Variants in PBX3 observed in about 807,000 individuals in gnomAD.
PBX3 encodes PBX homeobox 3.
A neutral mutation model predicts 48.5 loss-of-function variants in PBX3; 14 were observed. The observed-to-expected ratio is 0.29, with a 90% CI of 0.19 to 0.45. The LOEUF is 0.45. Ranked by LOEUF, PBX3 falls within the 20% of genes least tolerant of loss-of-function variation. The pLI, the probability that PBX3 is intolerant of heterozygous loss-of-function variation, is 1.00. For missense variants in PBX3, 386 were observed against 546.7 expected (o/e 0.71, Z 2.93); for synonymous variants, 210 against 200.3 (o/e 1.05, Z -0.41).
At chr9:125,888,274 C>T (rs1840548316) in intron 2 of PBX3, among the ~76,000 whole-genome samples, 1 of 152,164 alleles carries the variant, frequency 6.6e-6, no homozygotes, top group African/African-American at 2.4e-5. Context: ...CCATTTTGAT[C>T]TCTTCTGTCG....
Position 125,830,996 on chromosome 9 carries a change from G to A in PBX3, c.274+82373G>A, listed in dbSNP as rs369900802. 3.3e-5 allele frequency among the ~76,000 whole-genome samples: 5 copies of A among 152,130 alleles called. No homozygotes were observed. In the East Asian group the frequency reaches 7.7e-4, roughly 23 times the overall value. ...TATGTTATACTTGTTTTGTATCTCC[G>A]TGCAGATTCACATTCCTTCCTCCTG... On this transcript the variant is annotated intron_variant, in intron 2 of 8. Coordinates refer to ENST00000373489, the MANE Select transcript of PBX3 (RefSeq NM_006195.6).
intron 2 of PBX3, among the ~76,000 whole-genome samples, chr9:125,776,635 A>G (rs995787247): frequency 1.3e-5 from 2 of 152,056 alleles, no homozygotes; most frequent in African/African-American, 2.4e-5. Flanking sequence ...CCCCGGGCTC[A>G]AGTGGTTCTC....
chr9:125,871,508 A>C (rs1840125430), intron 2 of PBX3, among the ~76,000 whole-genome samples: 1 of 152,228 alleles, frequency 6.6e-6, no homozygotes, highest in Non-Finnish European at 1.5e-5. Context: ...ACATTCAAGA[A>C]CATAATAGCA....
chr9:125,756,658 A>G (rs1462326004), intron 2 of PBX3, among the ~76,000 whole-genome samples: 1 of 152,200 alleles, frequency 6.6e-6, no homozygotes, highest in African/African-American at 2.4e-5. Context: ...TAGTCACCAC[A>G]GCTGCCATGC....
intron 2 of PBX3, chr9:125,748,987 C>A: frequency 5.1e-6 from 1 of 194,480 alleles, no homozygotes; most frequent in Non-Finnish European, 1.1e-5. Context: ...AGGACCGAGT[C>A]CCCGGGAGAA....
At chr9:125,824,709 CT>C (rs747826192) in intron 2 of PBX3, among the ~76,000 whole-genome samples, 6,113 of 139,602 alleles carry the variant, frequency 0.044, 355 homozygotes, top group African/African-American at 0.14. Context: ...AATCAGTTGG[CT>C]TTTTTTTTTT....
chr9:125,835,201 A>G (rs1360712126), intron 2 of PBX3, among the ~76,000 whole-genome samples: 1 of 152,104 alleles, frequency 6.6e-6, no homozygotes, highest in Non-Finnish European at 1.5e-5. Context: ...AGTTCTAGGC[A>G]TCTCATATGT....
intron 2 of PBX3, among the ~76,000 whole-genome samples, chr9:125,903,818 G>A (rs535696085): frequency 3.8e-4 from 57 of 151,994 alleles, no homozygotes; most frequent in African/African-American, 1.2e-3. Flanking sequence ...AACATAATAT[G>A]TATAAGAGGT....
chr9:125,948,733 T>C (rs1395413373), intron 5 of PBX3, among the ~76,000 whole-genome samples: 1 of 152,000 alleles, frequency 6.6e-6, no homozygotes, highest in Non-Finnish European at 1.5e-5. Flanking sequence ...TATATATATA[T>C]ATACATGCAC....
chr9:125,929,729 A>G lies in PBX3; in HGVS notation c.591A>G (p.Lys197=). 1.2e-6 allele frequency: 2 copies of G among 1,613,900 alleles called. No homozygotes were observed. The highest frequency in any genetic ancestry group is 1.7e-6 in the Non-Finnish European group (2 of 1,179,796). The change falls in exon 4 of 9, where the codon AAA becomes AAG. Residue 197 remains lysine (K), a synonymous_variant. Transcript: ENST00000373489. Reference sequence around the variant, plus strand: ...GTAGAACACGTCCCATTTCTCCAAAAGAGATTGAAAGAATGGTGGGCATCA... The same window carrying G: ...GTAGAACACGTCCCATTTCTCCAAAGGAGATTGAAAGAATGGTGGGCATCA... The part of the protein sequence containing the change: ...EQSRTRPISP[K]EIERMVGIIH...
intron 2 of PBX3, among the ~76,000 whole-genome samples, chr9:125,803,758 A>T (rs1328025749): frequency 6.6e-6 from 1 of 152,200 alleles, no homozygotes; most frequent in East Asian, 1.9e-4. Flanking sequence ...TTACACGTTT[A>T]TTGAAGTGTA....
At position 125,747,652 on chromosome 9, in the gene PBX3, A is replaced by AAGTTGGTGT. The variant is rs775490024; in HGVS notation, c.200_200+8dup. Reference sequence around the variant, plus strand: ...CCAGAGCTTGGACGAGGCGCAAGCAAAGTTGGTGTCGTCTCATTAAGCATC... The same window carrying AAGTTGGTGT: ...CCAGAGCTTGGACGAGGCGCAAGCAAAGTTGGTGTAGTTGGTGTCGTCTCATTAAGCATC... On this transcript the variant is annotated stop_gained and inframe_insertion and splice_region_variant, in exon 1 of 9. Transcript: ENST00000373489. LOFTEE classifies it high-confidence loss of function. 2.5e-4 allele frequency: 403 copies of AAGTTGGTGT among 1,589,430 alleles called. No homozygotes were observed. Among genetic ancestry groups the AAGTTGGTGT allele is most frequent in the Non-Finnish European group, 3.4e-4 (398 of 1,168,396 alleles).
intron 2 of PBX3, among the ~76,000 whole-genome samples, chr9:125,777,961 C>G (rs190950759): frequency 6.9e-6 from 1 of 144,886 alleles, no homozygotes; most frequent in African/African-American, 2.7e-5. Context: ...TTCAAATCTT[C>G]TCTTTTTTTT....
intron 3 of PBX3, among the ~76,000 whole-genome samples, chr9:125,916,332 G>T (rs1418061435): frequency 1.3e-5 from 2 of 152,110 alleles, no homozygotes; most frequent in Non-Finnish European, 2.9e-5. Context: ...TCCCTCCTAT[G>T]CTGTGAGCTC....
Position 125,753,639 on chromosome 9 carries a change from A to AT in PBX3, c.274+5020dup, listed in dbSNP as rs149262524. Among the ~76,000 whole-genome samples the AT allele has an allele frequency of 7.3e-3, 1,105 of 152,038 alleles. 60 individuals are homozygous for AT. In the East Asian group the frequency reaches 0.14, roughly 19 times the overall value. ...TTGTTCCTTAGTTTTAATGACCCTC[A>AT]TTTTATTACAGATTTGAATAGTTTT... is the stretch of plus-strand genomic sequence containing the variant. On this transcript the variant is annotated intron_variant, in intron 2 of 8. Coordinates refer to ENST00000373489, the MANE Select transcript of PBX3 (RefSeq NM_006195.6).
At chr9:125,788,702 G>A (rs1464005893) in intron 2 of PBX3, among the ~76,000 whole-genome samples, 2 of 151,968 alleles carry the variant, frequency 1.3e-5, no homozygotes, top group South Asian at 2.1e-4. Context: ...GTGAAACCCC[G>A]TCTCTACTAA....
intron 2 of PBX3, among the ~76,000 whole-genome samples, chr9:125,913,940 A>C (rs775220116): frequency 6.6e-6 from 1 of 152,222 alleles, no homozygotes; most frequent in Non-Finnish European, 1.5e-5. Context: ...GTAAGCTCTC[A>C]TTGCATGCCA....
At chr9:125,933,120 A>G (rs748295482) in intron 4 of PBX3, among the ~76,000 whole-genome samples, 1 of 152,232 alleles carries the variant, frequency 6.6e-6, no homozygotes, top group Non-Finnish European at 1.5e-5. Flanking sequence ...AGTGAATGCA[A>G]ATACTGAGCT....
chr9:125,885,798 ATG>A (rs10564495), intron 2 of PBX3, among the ~76,000 whole-genome samples: 94,959 of 150,212 alleles, frequency 0.63, 30,221 homozygotes, highest in East Asian at 0.75. Context: ...ACTGTAGGGG[ATG>A]TGTGTGTGTG....
Sources: allele counts gnomAD v4.1 joint callset (sites outside exome capture counted in the v4.1 genomes callset), GRCh38; gene constraint gnomAD v4.1.1; transcripts MANE v1.5; gene names NCBI Gene and HGNC (gene_info 2026-07-23, HGNC 2026-07-21).